The following LARGE1 variants were observed in gnomAD, a reference collection of about 807,000 sequenced individuals.
The protein encoded by LARGE1 is LARGE xylosyl- and glucuronyltransferase 1.
Under a neutral mutation model 87.6 loss-of-function variants are expected in LARGE1, and 43 were observed. The observed-to-expected ratio is 0.49, with a 90% CI of 0.38 to 0.63. The LOEUF (loss-of-function observed/expected upper bound fraction) is 0.63, where lower values mean the gene tolerates loss of function less well. LARGE1 is among the 30% of genes least tolerant of loss of function. LARGE1 has a pLI of 0.00. For synonymous variants in LARGE1, 434 were observed against 394.6 expected (o/e 1.10, Z -1.18); for missense variants, 802 against 1,000.2 (o/e 0.80, Z 2.67).
chr22:33,518,389 G>A (rs1260722333), intron 6 of LARGE1, among the ~76,000 whole-genome samples: 1 of 152,244 alleles, frequency 6.6e-6, no homozygotes, highest in African/African-American at 2.4e-5. Context: ...CACCATCTCA[G>A]CTCACTGCAA....
At chr22:33,089,371 C>CTTCTCCTCCTT in the LARGE1 span, among the ~76,000 whole-genome samples, 71 of 76,078 alleles carry the variant, frequency 9.3e-4, no homozygotes, top group African/African-American at 3.9e-3. Context: ...TTCTTCTTCT[C>CTTCTCCTCCTT]CTTCTTCTTC....
chr22:33,502,587 G>T (rs931031598), intron 6 of LARGE1, among the ~76,000 whole-genome samples: 2 of 151,198 alleles, frequency 1.3e-5, no homozygotes, highest in Admixed American at 6.6e-5. Flanking sequence ...CTTTTTTTTT[G>T]AGACAGAGTC....
At chr22:33,785,195 GTGTATACATACATATGTGTA>G (rs1299869546) in intron 1 of LARGE1, among the ~76,000 whole-genome samples, 2 of 148,926 alleles carry the variant, frequency 1.3e-5, no homozygotes, top group African/African-American at 5.0e-5. Flanking sequence ...ATACATATAT[GTGTATACATACATATGTGTA>G]TATACATATA....
intron 1 of LARGE1, among the ~76,000 whole-genome samples, chr22:33,768,439 C>CACAA (rs1491070480): frequency 2.7e-5 from 1 of 37,344 alleles, no homozygotes; most frequent in Admixed American, 3.8e-4. Flanking sequence ...CGCGCGCTCA[C>CACAA]ACACACACAC....
At chr22:33,316,871 C>T (rs1409231423) in intron 10 of LARGE1, among the ~76,000 whole-genome samples, 1 of 152,140 alleles carries the variant, frequency 6.6e-6, no homozygotes, top group Admixed American at 6.5e-5. Context: ...TCCTTAGAAA[C>T]AAATGAGAAA....
intron 6 of LARGE1, among the ~76,000 whole-genome samples, chr22:33,445,508 A>G (rs2067649650): frequency 6.6e-6 from 1 of 151,958 alleles, no homozygotes; most frequent in African/African-American, 2.4e-5. Flanking sequence ...TCAGAGCAGG[A>G]AGCTTGACAA....
intron 11 of LARGE1, among the ~76,000 whole-genome samples, chr22:33,255,467 T>A (rs1220488131): frequency 2.0e-5 from 3 of 152,174 alleles, no homozygotes; most frequent in African/African-American, 7.2e-5. Flanking sequence ...TGGGTGAGGA[T>A]GTCTCCAAAA....
chr22:33,192,932 C>T (rs1923861659), intron 11 of LARGE1, among the ~76,000 whole-genome samples: 1 of 152,138 alleles, frequency 6.6e-6, no homozygotes, highest in Non-Finnish European at 1.5e-5. Context: ...TTGTACTTTC[C>T]TCAATGTGTG....
chr22:33,669,086 C>T (rs891258371), intron 2 of LARGE1, among the ~76,000 whole-genome samples: 8 of 152,206 alleles, frequency 5.3e-5, no homozygotes, highest in Non-Finnish European at 1.2e-4. Context: ...GAAAAGGCTC[C>T]CCTTGCTTTG....
intron 1 of LARGE1, among the ~76,000 whole-genome samples, chr22:33,886,039 T>A (rs2064834791): frequency 6.6e-6 from 1 of 151,754 alleles, no homozygotes; most frequent in Non-Finnish European, 1.5e-5. Flanking sequence ...AATAAATAAA[T>A]AAATAAATAA....
At chr22:33,881,565 C>G (rs1055490608) in intron 1 of LARGE1, among the ~76,000 whole-genome samples, 3 of 152,200 alleles carry the variant, frequency 2.0e-5, no homozygotes, top group African/African-American at 7.2e-5. Context: ...GTTTCCATGG[C>G]AAATTATCAC....
chr22:33,432,954 T>C (rs1405559003), intron 6 of LARGE1, among the ~76,000 whole-genome samples: 1 of 152,208 alleles, frequency 6.6e-6, no homozygotes, highest in African/African-American at 2.4e-5. Context: ...AGAGCTGGCG[T>C]TGATGTTGGC....
At chr22:33,336,461 A>T (rs1276842490) in intron 10 of LARGE1, among the ~76,000 whole-genome samples, 1 of 151,964 alleles carries the variant, frequency 6.6e-6, no homozygotes, top group Non-Finnish European at 1.5e-5. Context: ...CAGCCTCCTA[A>T]AGTGCTGAGA....
At chr22:33,807,990 G>T (rs561056238) in intron 1 of LARGE1, among the ~76,000 whole-genome samples, 2 of 152,202 alleles carry the variant, frequency 1.3e-5, no homozygotes, top group Admixed American at 6.5e-5. Flanking sequence ...CTGTGTGGAC[G>T]TAAGTTTTCA....
At chr22:33,839,553 A>C (rs1340026769) in intron 1 of LARGE1, among the ~76,000 whole-genome samples, 1 of 152,256 alleles carries the variant, frequency 6.6e-6, no homozygotes, top group African/African-American at 2.4e-5. Flanking sequence ...TGAACAAATA[A>C]GTGACCATAT....
intron 11 of LARGE1, among the ~76,000 whole-genome samples, chr22:33,309,959 T>C (rs1170049302): frequency 6.6e-6 from 1 of 152,276 alleles, no homozygotes; most frequent in African/African-American, 2.4e-5. Flanking sequence ...GTGACCTGAT[T>C]TACATTTTTA....
At chr22:33,918,420 T>A (rs151044152) in intron 1 of LARGE1, among the ~76,000 whole-genome samples, 3 of 152,322 alleles carry the variant, frequency 2.0e-5, no homozygotes, top group Non-Finnish European at 4.4e-5. Flanking sequence ...GATTTTTGCC[T>A]CTCTGTTCGA....
chr22:33,113,365 G>C, the LARGE1 span, among the ~76,000 whole-genome samples: 1 of 152,086 alleles, frequency 6.6e-6, no homozygotes, highest in East Asian at 1.9e-4. Context: ...GTGCCACCAC[G>C]CCTGGCTAAT....
At chr22:33,130,676 C>G in the LARGE1 span, among the ~76,000 whole-genome samples, 1 of 152,148 alleles carries the variant, frequency 6.6e-6, no homozygotes, top group East Asian at 1.9e-4. Context: ...AAATACTCAG[C>G]GAAATCAAAG....
Sources: allele counts gnomAD v4.1 joint callset (sites outside exome capture counted in the v4.1 genomes callset), GRCh38; gene constraint gnomAD v4.1.1; transcripts MANE v1.5; gene names NCBI Gene and HGNC (gene_info 2026-07-23, HGNC 2026-07-21).